Variants in GTF3C1 observed in about 807,000 individuals in gnomAD.
The protein encoded by GTF3C1 is general transcription factor IIIC subunit 1, also known as general transcription factor 3C polypeptide 1.
A neutral mutation model predicts 226.7 loss-of-function variants in GTF3C1; 57 were observed. That is an observed-to-expected ratio of 0.25 (90% CI 0.20 to 0.31). The LOEUF (loss-of-function observed/expected upper bound fraction) is 0.31. Among genes scored for constraint, GTF3C1 ranks in the 10% least tolerant of loss-of-function variants. The pLI is 1.00. For synonymous variants in GTF3C1, 1,090 were observed against 1,084.8 expected (o/e 1.00, Z -0.09); for missense variants, 2,217 against 2,776.1 (o/e 0.80, Z 4.53).
chr16:27,513,696 T>C (rs768829335), intron 6 of GTF3C1, among the ~76,000 whole-genome samples: 1 of 152,172 alleles, frequency 6.6e-6, no homozygotes, highest in African/African-American at 2.4e-5. Flanking sequence ...CCATTTCAGA[T>C]AGCAATAAAT....
rs772477242 is a variant in GTF3C1, at chr16:27,484,205, G to C, written c.4001+6C>G. 6 of 1,596,016 alleles carry C rather than the reference G, an allele frequency of 3.8e-6. No homozygotes were observed. The highest frequency in any genetic ancestry group is 4.5e-5 in the East Asian group (2 of 44,718). ...CCCGGAGTGACGGGGCTTCAATGAGGCTTACTTATAGTTGAGATAGGCCTG... is the reference window on the plus strand; with the variant it reads ...CCCGGAGTGACGGGGCTTCAATGAGCCTTACTTATAGTTGAGATAGGCCTG... On this transcript the variant is annotated splice_donor_region_variant and intron_variant, in intron 25 of 36. Transcript: ENST00000356183.
intron 7 of GTF3C1, among the ~76,000 whole-genome samples, chr16:27,509,091 T>C (rs2088531938): frequency 2.6e-5 from 4 of 152,228 alleles, no homozygotes. Flanking sequence ...TATTCTTCAT[T>C]TCCCAGTATT....
chr16:27,464,059 C>T, intron 34 of GTF3C1: 1 of 442,728 alleles, frequency 2.3e-6, no homozygotes, highest in Admixed American at 4.3e-5. Flanking sequence ...CTGCAGTGCA[C>T]ACGCTGGCCC....
chr16:27,537,153 A>G (rs768753840), intron 4 of GTF3C1, among the ~76,000 whole-genome samples: 11 of 152,198 alleles, frequency 7.2e-5, no homozygotes, highest in Non-Finnish European at 1.2e-4. Context: ...AAAACATCCA[A>G]TTTGAAACTG....
At chr16:27,510,706 T>G (rs921940751) in intron 7 of GTF3C1, among the ~76,000 whole-genome samples, 1 of 152,182 alleles carries the variant, frequency 6.6e-6, no homozygotes, top group African/African-American at 2.4e-5. Flanking sequence ...CCACTTCACC[T>G]TCTGCTCTGT....
At chr16:27,528,472 TTAAA>T (rs2088866052) in intron 6 of GTF3C1, 122 bp downstream of exon 6, 1 of 773,132 alleles carries the variant, frequency 1.3e-6, no homozygotes. Flanking sequence ...AGGCGCAGAG[TTAAA>T]TAAATATGTG....
intron 2 of GTF3C1, among the ~76,000 whole-genome samples, chr16:27,540,095 A>T (rs1250005890): frequency 6.6e-6 from 1 of 152,134 alleles, no homozygotes; most frequent in Non-Finnish European, 1.5e-5. Flanking sequence ...CACACCACTC[A>T]ACTCAGTCTG....
At chr16:27,485,614 A>C (rs2088127000) in intron 24 of GTF3C1, among the ~76,000 whole-genome samples, 1 of 152,252 alleles carries the variant, frequency 6.6e-6, no homozygotes, top group Admixed American at 6.5e-5. Context: ...GTTTGCCTGC[A>C]GCTAGGCAAA....
Position 27,507,106 on chromosome 16 carries a change from G to A in GTF3C1, c.1293C>T (p.Cys431=), listed in dbSNP as rs150724671. The A allele has an allele frequency of 3.1e-6, 5 of 1,613,180 alleles. No homozygotes were observed. Among genetic ancestry groups the A allele is most frequent in the South Asian group, 2.2e-5 (2 of 91,046 alleles). Residue 431 remains cysteine (C), a synonymous_variant, in exon 9 of 37, where the codon TGC becomes TGT. Transcript: ENST00000356183. The surrounding 1 kb of genome is among the most constrained non-coding windows in gnomAD (Gnocchi z 4.9). ...TTAGGTCGCTCTCCTCTGCAAACAC[G>A]CAGGAAATGTACTTGGTGGTTCGCT... ...GRQRTTKYIS[C]VFAEESDLSR... is the part of the protein sequence containing the mutation.
At position 27,511,707 on chromosome 16, in the gene GTF3C1, T is replaced by A. The variant is rs745886611; in HGVS notation, c.1126+42A>T. On this transcript the variant is annotated intron_variant, in intron 7 of 36. Coordinates refer to ENST00000356183, the MANE Select transcript of GTF3C1 (RefSeq NM_001520.4). Reference sequence around the variant, plus strand: ...GGGCAAAGCGCTTCTTGACTCAAATTCTCGGGATCCATATCCAAGCTGGCA... The same window carrying A: ...GGGCAAAGCGCTTCTTGACTCAAATACTCGGGATCCATATCCAAGCTGGCA... 10 of 1,604,830 alleles carry A rather than the reference T, an allele frequency of 6.2e-6. No homozygotes were observed. The Admixed American group carries it at 1.0e-4, about 16-fold the overall frequency.
At chr16:27,506,224 A>C (rs2088482637) in intron 9 of GTF3C1, 108 bp from the exon 10 acceptor site, 1 of 636,280 alleles carries the variant, frequency 1.6e-6, no homozygotes, top group Non-Finnish European at 2.8e-6. Flanking sequence ...GCTGAGAGTC[A>C]GTTGAAAGGT....
At chr16:27,474,521 C>T (rs1256109541) in intron 29 of GTF3C1, among the ~76,000 whole-genome samples, 1 of 152,130 alleles carries the variant, frequency 6.6e-6, no homozygotes, top group African/African-American at 2.4e-5. Flanking sequence ...AAGGCCCACC[C>T]CACAGCCAGA....
Position 27,464,698 on chromosome 16 carries a change from G to A in GTF3C1, c.5494C>T (p.Pro1832Ser). The A allele has an allele frequency of 6.3e-7, 1 of 1,598,116 alleles. No homozygotes were observed. The highest frequency in any genetic ancestry group is 8.5e-7 in the Non-Finnish European group (1 of 1,177,064). Residue 1832 changes from proline (P) to serine (S), a missense_variant, in exon 34 of 37, where the codon CCC becomes TCC. Coordinates refer to ENST00000356183, the MANE Select transcript of GTF3C1 (RefSeq NM_001520.4). ...REDADIQRED[P>S]QARPLEGSSS... ...GACCCCTCCAGGGGTCTGGCCTGGGGGTCTTCTCTCTGGATGTCGGCGTCT... is the reference window on the plus strand; with the variant it reads ...GACCCCTCCAGGGGTCTGGCCTGGGAGTCTTCTCTCTGGATGTCGGCGTCT...
rs1848397129 is a variant in GTF3C1 at position 27,488,397 on chromosome 16, A to G, written c.3530T>C (p.Ile1177Thr). ...GGAGCCTACTCTTGCTTCCCCCCAA[A>G]TATTCAACCTGCTGTTGCCTAGACA... ...LSARGNSRLN[I>T]WGEARVGSEL... is the part of the protein sequence containing the mutation. The change falls in exon 23 of 37, where the codon ATT becomes ACT. Residue 1177 changes from isoleucine (I) to threonine (T), a missense_variant. By Grantham distance (89) the Ile-to-Thr change is moderately conservative. This residue lies in a region of GTF3C1 where 546 missense variants were observed against 663.0 expected (regional missense o/e 0.82). Coordinates refer to ENST00000356183, the MANE Select transcript of GTF3C1 (RefSeq NM_001520.4). 2.5e-6 allele frequency: 4 copies of G among 1,612,352 alleles called. No individual in the cohort carries two copies. The highest frequency in any genetic ancestry group is 1.7e-5 in the Admixed American group (1 of 59,956).
intron 10 of GTF3C1, among the ~76,000 whole-genome samples, chr16:27,504,113 C>T (rs565125985): frequency 8.5e-5 from 13 of 152,354 alleles, no homozygotes; most frequent in East Asian, 7.7e-4. Flanking sequence ...GGCTGCTGGA[C>T]AGCAAAGGCA....
At chr16:27,518,112 C>T (rs2088688814) in intron 6 of GTF3C1, among the ~76,000 whole-genome samples, 1 of 152,156 alleles carries the variant, frequency 6.6e-6, no homozygotes, top group Non-Finnish European at 1.5e-5. Context: ...GGGTCACAAG[C>T]AATGGGAAAG....
At chr16:27,540,599 T>C (rs1450572944) in intron 2 of GTF3C1, among the ~76,000 whole-genome samples, 2 of 152,176 alleles carry the variant, frequency 1.3e-5, no homozygotes, top group Non-Finnish European at 2.9e-5. Context: ...TGAAGTACCA[T>C]GCAAAGTACA....
intron 12 of GTF3C1, among the ~76,000 whole-genome samples, chr16:27,500,604 C>T (rs2088390651): frequency 1.3e-5 from 2 of 152,192 alleles, no homozygotes. Flanking sequence ...GGCCCTGGTG[C>T]CTGGCTGTAC....
intron 2 of GTF3C1, among the ~76,000 whole-genome samples, chr16:27,540,030 C>T (rs931549460): frequency 2.0e-5 from 3 of 152,084 alleles, no homozygotes; most frequent in African/African-American, 7.2e-5. Context: ...AGCCAACATC[C>T]ACTCTTCTCA....
Sources: gnomAD v4.1 joint callset for allele counts (sites outside exome capture counted in the v4.1 genomes callset) on GRCh38, gnomAD v4.1.1 for gene constraint, gnomAD v4.1.1 regional missense constraint, Gnocchi (gnomAD v3.1) non-coding constraint, MANE v1.5 for transcripts, NCBI Gene and HGNC (gene_info 2026-07-23, HGNC 2026-07-21) for gene names.